NAT1: variants seen among roughly 807,000 people sequenced by gnomAD.
NAT1 encodes the protein N-acetyltransferase 1, also known as arylamine N-acetyltransferase 1.
For missense variants in NAT1, 400 were observed against 339.2 expected, an observed-to-expected ratio of 1.18 and a Z score of -1.41; for synonymous variants, 144 against 122.6, an observed-to-expected ratio of 1.17 and a Z score of -1.16.
rs920051373 is a variant in NAT1, at chr8:18,171,409, G to A, written n.92+670G>A. On this transcript the variant is annotated intron_variant and non_coding_transcript_variant, in intron 2 of 4. Transcript: ENST00000517441. ...TCCTTAAAAGATTTCTTTGCAAAAGGCAAACAAAAAGCTTAAGCAACAGAC... is the reference window on the plus strand; with the variant it reads ...TCCTTAAAAGATTTCTTTGCAAAAGACAAACAAAAAGCTTAAGCAACAGAC... 3.3e-5 allele frequency among the ~76,000 whole-genome samples: 5 copies of A among 152,094 alleles called. 1 individual carries two copies. Among genetic ancestry groups the A allele is most frequent in the African/African-American group, 7.2e-5 (3 of 41,418 alleles).
At position 18,219,413 on chromosome 8, in the gene NAT1, T is replaced by C. The variant is rs1274761447; in HGVS notation, c.-83T>C. ...ACTGTCTTTTCTCTTATTTCTAGAA[T>C]TCAAGCCAGGAAGAAGCAGCAATCT... On this transcript the variant is annotated splice_region_variant and 5_prime_UTR_variant, in exon 2 of 3. Coordinates refer to ENST00000307719, the MANE Select transcript of NAT1 (RefSeq NM_000662.8). The C allele has an allele frequency of 6.5e-7, 1 of 1,546,330 alleles. No homozygotes were observed. The highest frequency in any genetic ancestry group is 2.4e-5 in the East Asian group (1 of 40,870).
At chr8:18,202,632 G>A (rs1019878561) in intron 2 of NAT1, among the ~76,000 whole-genome samples, 5 of 152,108 alleles carry the variant, frequency 3.3e-5, no homozygotes, top group Non-Finnish European at 5.9e-5. Flanking sequence ...CGCAGTGAGC[G>A]TTACAGCTAT....
At chr8:18,207,634 C>T (rs1462686681), upstream of NAT1, among the ~76,000 whole-genome samples, 1 of 152,110 alleles carries the variant, frequency 6.6e-6, no homozygotes, top group Non-Finnish European at 1.5e-5. Context: ...AGTGAGGCTG[C>T]AGAGAGATAG....
In NAT1 at chr8:18,222,843, G is replaced by C. The variant is rs767117934; in HGVS notation, c.796G>C (p.Val266Leu). Residue 266 changes from valine to leucine, a missense_variant, in exon 3 of 3, where the codon GTG becomes CTG. Transcript: ENST00000307719. ...KTLSEEEIEK[V>L]LKNIFNISLQ... is the part of the protein sequence containing the mutation. The stretch of plus-strand genomic sequence containing the variant: ...TCTGAGTGAGGAAGAAATAGAAAAA[G>C]TGCTGAAAAATATATTTAATATTTC... 3.7e-6 allele frequency: 6 copies of C among 1,601,984 alleles called. No homozygotes were observed. The highest frequency in any genetic ancestry group is 1.3e-5 in the African/African-American group (1 of 74,220).
At chr8:18,179,270 C>T (rs529305590) in intron 2 of NAT1, among the ~76,000 whole-genome samples, 1 of 152,234 alleles carries the variant, frequency 6.6e-6, no homozygotes, top group South Asian at 2.1e-4. Flanking sequence ...GGTAATACTA[C>T]ATAATCATTC....
chr8:18,219,826 T>C (rs1204193583), intron 2 of NAT1, among the ~76,000 whole-genome samples: 1 of 152,114 alleles, frequency 6.6e-6, no homozygotes, highest in Non-Finnish European at 1.5e-5. Flanking sequence ...TTGCAGTTGC[T>C]GAATTCCAAA....
At chr8:18,221,935 T>G (rs765979455) in intron 2 of NAT1, 107 bp from the exon 3 acceptor site, 6 of 1,190,700 alleles carry the variant, frequency 5.0e-6, no homozygotes, top group Non-Finnish European at 7.1e-6. Context: ...ATTATTATAC[T>G]TATAACCATT....
At chr8:18,192,561 T>G (rs1402702641) in intron 2 of NAT1, among the ~76,000 whole-genome samples, 2 of 152,128 alleles carry the variant, frequency 1.3e-5, no homozygotes, top group African/African-American at 2.4e-5. Flanking sequence ...TGCGGCACTA[T>G]GCACAATAGC....
At chr8:18,214,603 G>A (rs1804443186) in intron 1 of NAT1, among the ~76,000 whole-genome samples, 1 of 151,848 alleles carries the variant, frequency 6.6e-6, no homozygotes, top group South Asian at 2.1e-4. Context: ...TGGCAAACAT[G>A]TTGTATCGAA....
intron 2 of NAT1, among the ~76,000 whole-genome samples, chr8:18,192,734 G>A (rs1004462492): frequency 2.8e-4 from 42 of 151,636 alleles, no homozygotes; most frequent in Admixed American, 9.9e-4. Flanking sequence ...GTAAACTATC[G>A]CAAGGACAAA....
At chr8:18,183,094 A>T (rs538402766) in intron 2 of NAT1, among the ~76,000 whole-genome samples, 27 of 152,302 alleles carry the variant, frequency 1.8e-4, no homozygotes, top group African/African-American at 6.5e-4. Flanking sequence ...AGTTCTGAGG[A>T]CTGGGAAGAC....
chr8:18,214,015 G>A (rs1343518746), intron 1 of NAT1, among the ~76,000 whole-genome samples: 6 of 151,942 alleles, frequency 3.9e-5, no homozygotes, highest in East Asian at 1.9e-4. Context: ...GGGTTTCACC[G>A]TGTTAGCCAG....
chr8:18,220,640 G>A (rs1255288535), intron 2 of NAT1, among the ~76,000 whole-genome samples: 1 of 151,702 alleles, frequency 6.6e-6, no homozygotes, highest in Non-Finnish European at 1.5e-5. Flanking sequence ...TCTACCTTCT[G>A]TTGTTTTTCA....
At position 18,222,245 on chromosome 8, in the gene NAT1, A is replaced by G. The variant is rs763897207; in HGVS notation, c.198A>G (p.Gly66=). ...FDQVVRRNRG[G]WCLQVNHLLY... is the part of the protein sequence containing the mutation. ...AAGTTGTGAGAAGAAATCGGGGTGG[A>G]TGGTGTCTCCAGGTCAATCATCTTC... The change falls in exon 3 of 3, where the codon GGA becomes GGG. Residue 66 remains glycine, a synonymous_variant. Coordinates refer to ENST00000307719, the MANE Select transcript of NAT1 (RefSeq NM_000662.8). The G allele has an allele frequency of 1.9e-6, 3 of 1,613,938 alleles. No homozygotes were observed. The Admixed American group carries it at 5.0e-5, about 27-fold the overall frequency.
chr8:18,191,313 C>G (rs980778488), intron 2 of NAT1, among the ~76,000 whole-genome samples: 3 of 152,066 alleles, frequency 2.0e-5, no homozygotes, highest in African/African-American at 4.8e-5. Context: ...TTGATTTTCA[C>G]TTAGTGGTGT....
intron 1 of NAT1, among the ~76,000 whole-genome samples, chr8:18,216,039 G>A (rs142937637): frequency 1.1e-3 from 142 of 125,142 alleles, no homozygotes; most frequent in African/African-American, 4.2e-3. Context: ...AGTGATTCAT[G>A]GCCTTTGGCT....
chr8:18,192,492 A>G lies in NAT1; in HGVS notation n.93-17289A>G, dbSNP rs144152311. On this transcript the variant is annotated intron_variant and non_coding_transcript_variant, in intron 2 of 4. Transcript: ENST00000517441. The stretch of plus-strand genomic sequence containing the variant: ...TGACCCAGCCATCCCATTACTGGGT[A>G]TATACCCAATGGACTATAAATCATG... Among the ~76,000 whole-genome samples the G allele has an allele frequency of 4.8e-3, 738 of 152,338 alleles. 11 individuals are homozygous for G. The highest frequency in any genetic ancestry group is 0.017 in the African/African-American group (698 of 41,568).
chr8:18,181,782 T>C (rs1359746519), intron 2 of NAT1, among the ~76,000 whole-genome samples: 3 of 152,150 alleles, frequency 2.0e-5, no homozygotes, highest in Non-Finnish European at 4.4e-5. Flanking sequence ...CATTTCACCA[T>C]GAAGGGACGT....
chr8:18,209,891 G>A (rs968750943), upstream of NAT1: 1 of 152,140 alleles, frequency 6.6e-6, no homozygotes, highest in African/African-American at 2.4e-5. Context: ...AAATATAAGA[G>A]CACAGTCCTC....
Sources: allele counts gnomAD v4.1 joint callset (sites outside exome capture counted in the v4.1 genomes callset), GRCh38; gene constraint gnomAD v4.1.1; transcripts MANE v1.5; gene names NCBI Gene and HGNC (gene_info 2026-07-23, HGNC 2026-07-21).